The following RBMS3 variants were observed in gnomAD, a reference collection of about 807,000 sequenced individuals.
RBMS3 encodes the protein RNA-binding motif, single-stranded-interacting protein 3.
A neutral mutation model predicts 66.8 loss-of-function variants in RBMS3; 27 were observed. That is an observed-to-expected ratio of 0.40 (90% CI 0.30 to 0.56). RBMS3 has a LOEUF of 0.56. Among genes scored for constraint, RBMS3 ranks in the 20% least tolerant of loss-of-function variants. RBMS3 has a pLI of 0.40. For missense variants in RBMS3, 513 were observed against 549.5 expected, an observed-to-expected ratio of 0.93 and a Z score of 0.66; for synonymous variants, 188 against 183.0, an observed-to-expected ratio of 1.03 and a Z score of -0.22.
At chr3:29,677,837 T>C (rs897349274) in intron 4 of RBMS3, among the ~76,000 whole-genome samples, 1 of 152,086 alleles carries the variant, frequency 6.6e-6, no homozygotes, top group Admixed American at 6.6e-5. Context: ...TGTAATGTAA[T>C]AGAAAAAGCA....
At chr3:29,736,839 A>C (rs2054400554) in intron 4 of RBMS3, among the ~76,000 whole-genome samples, 1 of 152,310 alleles carries the variant, frequency 6.6e-6, no homozygotes, top group African/African-American at 2.4e-5. Context: ...TTCCCTTTGC[A>C]ACAGAGAGTG....
chr3:29,322,271 A>G (rs898197044), intron 1 of RBMS3, among the ~76,000 whole-genome samples: 2 of 152,124 alleles, frequency 1.3e-5, no homozygotes, highest in Non-Finnish European at 2.9e-5. Flanking sequence ...GATACGAGAA[A>G]TTAAGGAGTT....
intron 3 of RBMS3, among the ~76,000 whole-genome samples, chr3:29,490,703 G>A (rs2043510302): frequency 6.6e-6 from 1 of 152,112 alleles, no homozygotes; most frequent in Admixed American, 6.5e-5. Context: ...ATGGAGTGGA[G>A]TGAATTAGGG....
chr3:29,955,532 T>TA (rs929520724), intron 12 of RBMS3, among the ~76,000 whole-genome samples: 44 of 151,930 alleles, frequency 2.9e-4, no homozygotes, highest in Non-Finnish European at 5.2e-4. Flanking sequence ...TGGATTAAGC[T>TA]AAAAAAAAGC....
chr3:29,387,046 T>C (rs1015752200), intron 1 of RBMS3, among the ~76,000 whole-genome samples: 5 of 152,208 alleles, frequency 3.3e-5, no homozygotes, highest in Admixed American at 3.3e-4. Context: ...CTCGCCAGCT[T>C]GATTTCCCTT....
intron 3 of RBMS3, among the ~76,000 whole-genome samples, chr3:29,508,475 G>T (rs1007822778): frequency 6.6e-6 from 1 of 152,082 alleles, no homozygotes; most frequent in African/African-American, 2.4e-5. Context: ...TCTTGTGTTA[G>T]TTTGCTGAGA....
chr3:29,482,165 C>A (rs2043149040), intron 2 of RBMS3, among the ~76,000 whole-genome samples: 1 of 152,138 alleles, frequency 6.6e-6, no homozygotes, highest in Non-Finnish European at 1.5e-5. Context: ...TACTCAGATG[C>A]ATGTGAGGTT....
chr3:29,472,915 C>T (rs912774276), intron 2 of RBMS3, among the ~76,000 whole-genome samples: 1 of 152,078 alleles, frequency 6.6e-6, no homozygotes, highest in East Asian at 1.9e-4. Context: ...TGGCCCCACC[C>T]ACATCCTGCT....
At chr3:29,339,540 A>G (rs543188042) in intron 1 of RBMS3, among the ~76,000 whole-genome samples, 1 of 151,948 alleles carries the variant, frequency 6.6e-6, no homozygotes, top group Admixed American at 6.6e-5. Context: ...TTAACTCCTA[A>G]TGACACTGCA....
intron 4 of RBMS3, among the ~76,000 whole-genome samples, chr3:29,716,529 C>T (rs1205556134): frequency 6.6e-6 from 1 of 152,094 alleles, no homozygotes; most frequent in Non-Finnish European, 1.5e-5. Flanking sequence ...GATGTGTTTT[C>T]CTTCAGTTCT....
chr3:29,461,920 A>ATTTTTTT (rs61115023), intron 2 of RBMS3, among the ~76,000 whole-genome samples: 40 of 93,300 alleles, frequency 4.3e-4, no homozygotes, highest in African/African-American at 1.4e-3. Context: ...TGCCCGGCTA[A>ATTTTTTT]TTTTTTTTTT....
At chr3:29,680,236 A>T (rs1422961108) in intron 4 of RBMS3, among the ~76,000 whole-genome samples, 1 of 152,156 alleles carries the variant, frequency 6.6e-6, no homozygotes, top group African/African-American at 2.4e-5. Context: ...AAGATCAGTG[A>T]TGTTCTAATC....
chr3:29,307,213 C>T (rs892669727), intron 1 of RBMS3, among the ~76,000 whole-genome samples: 2 of 151,930 alleles, frequency 1.3e-5, no homozygotes, highest in African/African-American at 4.8e-5. Context: ...GTTCTTTCCA[C>T]AGCTGGTCAT....
intron 6 of RBMS3, among the ~76,000 whole-genome samples, chr3:29,796,843 G>A (rs768143318): frequency 6.6e-6 from 1 of 151,264 alleles, no homozygotes. Flanking sequence ...CTCCAGAGTA[G>A]CTGGGACTAT....
intron 5 of RBMS3, among the ~76,000 whole-genome samples, chr3:29,762,566 C>T (rs1190538221): frequency 6.6e-6 from 1 of 152,094 alleles, no homozygotes; most frequent in Admixed American, 6.6e-5. Context: ...AAGACTTACC[C>T]ATCAGGTTTG....
At chr3:29,830,853 A>C (rs1031426694) in intron 6 of RBMS3, among the ~76,000 whole-genome samples, 1 of 152,148 alleles carries the variant, frequency 6.6e-6, no homozygotes, top group Non-Finnish European at 1.5e-5. Context: ...CCCAACAGAA[A>C]ATAGAAGCAC....
At chr3:29,656,854 A>G (rs1375152361) in intron 4 of RBMS3, among the ~76,000 whole-genome samples, 3 of 152,140 alleles carry the variant, frequency 2.0e-5, no homozygotes, top group Non-Finnish European at 4.4e-5. Context: ...TCAACATATC[A>G]TTAGATTAAC....
chr3:29,745,093 G>T (rs957715223), intron 5 of RBMS3, among the ~76,000 whole-genome samples: 2 of 152,154 alleles, frequency 1.3e-5, no homozygotes, highest in African/African-American at 4.8e-5. Context: ...AGTAAAAGGA[G>T]TATCTTCATT....
intron 6 of RBMS3, chr3:29,767,223 C>T (rs1214641160): frequency 6.6e-6 from 1 of 151,894 alleles, no homozygotes; most frequent in Non-Finnish European, 1.5e-5. Context: ...AAGGTTTTCA[C>T]ATGTAGGGAC....
Sources: allele counts gnomAD v4.1 joint callset (sites outside exome capture counted in the v4.1 genomes callset), GRCh38; gene constraint gnomAD v4.1.1; transcripts MANE v1.5; gene names NCBI Gene and HGNC (gene_info 2026-07-23, HGNC 2026-07-21).